The following GNE variants were observed in gnomAD, a reference collection of about 807,000 sequenced individuals.
GNE encodes the protein bifunctional UDP-N-acetylglucosamine 2-epimerase/N-acetylmannosamine kinase.
A neutral mutation model predicts 61.8 loss-of-function variants in GNE; 41 were observed. That is an observed-to-expected ratio of 0.66 (90% CI 0.52 to 0.86). GNE has a LOEUF of 0.86. Ranked by LOEUF, GNE falls within the 40% of genes least tolerant of loss-of-function variation. The pLI, the probability that GNE is intolerant of heterozygous loss-of-function variation, is 0.00. For synonymous variants in GNE, 264 were observed against 326.4 expected, an observed-to-expected ratio of 0.81 and a Z score of 2.06; for missense variants, 608 against 909.1, an observed-to-expected ratio of 0.67 and a Z score of 4.26.
intron 7 of GNE, among the ~76,000 whole-genome samples, chr9:36,225,717 G>A (rs2133035825): frequency 6.6e-6 from 1 of 152,226 alleles, no homozygotes; most frequent in Admixed American, 6.5e-5. Flanking sequence ...CTGAGGCAGA[G>A]GACCATTTAA....
In GNE at chr9:36,219,968, G is replaced by C; in HGVS notation, c.1686C>G (p.Phe562Leu). The change falls in exon 10 of 12, where the codon TTC becomes TTG. Residue 562 changes from phenylalanine (F) to leucine (L), a missense_variant. Coordinates refer to ENST00000642385, the MANE Select transcript of GNE (RefSeq NM_005476.7). ...CAAGGTGGCCCAGTTCTGCAGCACAGAAGGAGCTTCCGTGGATCAATTCAT... is the reference window on the plus strand; with the variant it reads ...CAAGGTGGCCCAGTTCTGCAGCACACAAGGAGCTTCCGTGGATCAATTCAT... ...HQHELIHGSS[F>L]CAAELGHLVV... The C allele has an allele frequency of 6.2e-7, 1 of 1,614,132 alleles. No individual in the cohort carries two copies. The highest frequency in any genetic ancestry group is 1.3e-5 in the African/African-American group (1 of 75,032).
chr9:36,258,499 C>T, upstream of GNE: 1 of 985,580 alleles, frequency 1.0e-6, no homozygotes, highest in South Asian at 4.7e-5. Context: ...GCCACGCCCA[C>T]CCGGAGTGCC....
At chr9:36,223,294 T>A in intron 8 of GNE, 79 bp downstream of exon 8, 1 of 1,308,456 alleles carries the variant, frequency 7.6e-7, no homozygotes, top group South Asian at 1.2e-5. Flanking sequence ...ACTGACTTGA[T>A]GCTCAGGCAT....
chr9:36,254,498 C>T (rs1315712890), intron 1 of GNE, among the ~76,000 whole-genome samples: 1 of 152,094 alleles, frequency 6.6e-6, no homozygotes, highest in Non-Finnish European at 1.5e-5. Context: ...TGCCACCGCA[C>T]TCCAGCCTGA....
At position 36,217,432 on chromosome 9, in the gene GNE, A is replaced by G; in HGVS notation, c.2102T>C (p.Leu701Ser). Residue 701 changes from leucine (L) to serine (S), a missense_variant, in exon 12 of 12, where the codon TTG (leucine) becomes TCG (serine). Transcript: ENST00000642385. ...AGCACCCAGCAGGGCGGGGTCAACC[A>G]AATCCGAAACCACCACATCCACGTC... The part of the protein sequence containing the change: ...VQDVDVVVSD[L>S]VDPALLGAAS... 1 of 1,614,190 alleles carries G rather than the reference A, an allele frequency of 6.2e-7. No individual in the cohort carries two copies. Among genetic ancestry groups the G allele is most frequent in the Non-Finnish European group, 8.5e-7 (1 of 1,180,030 alleles).
intron 1 of GNE, chr9:36,265,627 A>G (rs1179382786): frequency 2.9e-6 from 1 of 348,148 alleles, no homozygotes; most frequent in Admixed American, 2.8e-5. Flanking sequence ...TAATTACCAG[A>G]GTCTCTAGGG....
At chr9:36,268,553 A>G (rs182893304) in intron 1 of GNE, among the ~76,000 whole-genome samples, 43 of 152,096 alleles carry the variant, frequency 2.8e-4, no homozygotes, top group African/African-American at 9.9e-4. Context: ...TGGAGTAACT[A>G]GCTACTCGGG....
upstream of GNE, among the ~76,000 whole-genome samples, chr9:36,260,721 T>C (rs561262999): frequency 4.4e-3 from 667 of 151,444 alleles, 4 homozygotes; most frequent in African/African-American, 0.015. Flanking sequence ...TACAAAACAT[T>C]AGCCGGGCGT....
chr9:36,236,768 G>C, intron 4 of GNE, 64 bp downstream of exon 4: 1 of 1,379,992 alleles, frequency 7.2e-7, no homozygotes, highest in South Asian at 1.2e-5. Flanking sequence ...GCAGTTAAAA[G>C]AAGTAATAGA....
At chr9:36,246,619 A>G in intron 2 of GNE, 137 bp from the exon 3 acceptor site, 5 of 644,994 alleles carry the variant, frequency 7.8e-6, no homozygotes, top group Non-Finnish European at 1.4e-5. Flanking sequence ...TTACAAACAT[A>G]AAAAGCATAG....
At position 36,246,763 on chromosome 9, in the gene GNE, G is replaced by C. The variant is rs1587341837; in HGVS notation, c.165-281C>G. Among the ~76,000 whole-genome samples the C allele has an allele frequency of 4.0e-5, 6 of 150,454 alleles. No homozygotes were observed. The South Asian group carries it at 1.3e-3, about 32-fold the overall frequency. The stretch of plus-strand genomic sequence containing the variant: ...GGCTCACTGCAACTTCTGCCTCCCG[G>C]GTTCAAGCGATTCTCCTGCCTCAGC... On this transcript the variant is annotated intron_variant, in intron 2 of 11. Coordinates refer to ENST00000642385, the MANE Select transcript of GNE (RefSeq NM_005476.7).
At chr9:36,244,164 A>T (rs1037436772) in intron 3 of GNE, among the ~76,000 whole-genome samples, 1 of 151,982 alleles carries the variant, frequency 6.6e-6, no homozygotes, top group Non-Finnish European at 1.5e-5. Flanking sequence ...GCGTCTTGCT[A>T]TGTTGCCCAG....
chr9:36,253,150 A>C (rs1470762135), intron 1 of GNE, among the ~76,000 whole-genome samples: 3 of 152,042 alleles, frequency 2.0e-5, no homozygotes, highest in African/African-American at 7.2e-5. Flanking sequence ...CAACAGAATA[A>C]GTCTCTATCT....
chr9:36,239,533 T>C (rs1190378641), intron 3 of GNE, among the ~76,000 whole-genome samples: 1 of 152,030 alleles, frequency 6.6e-6, no homozygotes, highest in Non-Finnish European at 1.5e-5. Flanking sequence ...AGTGCAATGG[T>C]GCGATCTCGG....
At chr9:36,223,053 T>TCAGC in intron 8 of GNE, 55 bp from the exon 9 acceptor site, 1 of 1,493,808 alleles carries the variant, frequency 6.7e-7, no homozygotes, top group Non-Finnish European at 9.3e-7. Flanking sequence ...CTCAGGAAAG[T>TCAGC]ATGCTGACTT....
At position 36,218,102 on chromosome 9, in the gene GNE, G is replaced by A. The variant is rs1437688584; in HGVS notation, c.1933+81C>T. ...AAAGCACCTGTCCCTAGGGAAGCAGGGTCTCTTCTGGGGCCGGGCTGGGCC... is the reference window on the plus strand; with the variant it reads ...AAAGCACCTGTCCCTAGGGAAGCAGAGTCTCTTCTGGGGCCGGGCTGGGCC... On this transcript the variant is annotated intron_variant, in intron 11 of 11. Coordinates refer to ENST00000642385, the MANE Select transcript of GNE (RefSeq NM_005476.7). This position sits in a 1 kb window ranked among gnomAD's most constrained non-coding sequence, Gnocchi z 4.1. The A allele has an allele frequency of 2.2e-6, 2 of 907,344 alleles. No homozygotes were observed. Among genetic ancestry groups the A allele is most frequent in the Non-Finnish European group, 3.7e-6 (2 of 535,990 alleles). 56.2% of individuals were successfully genotyped at this position (907,344 alleles called of 1,614,324 possible).
Position 36,236,247 on chromosome 9 carries a change from C to T in GNE, c.769+585G>A, listed in dbSNP as rs190189100. ...ATGGAGTCTCACTCTGTCACTGAGA[C>T]TAGTGTGCAGTGGCATGATCTCGGC... On this transcript the variant is annotated intron_variant, in intron 4 of 11. Transcript: ENST00000642385. 4.0e-5 allele frequency among the ~76,000 whole-genome samples: 6 copies of T among 151,804 alleles called. No homozygotes were observed. The South Asian group carries it at 1.2e-3, about 32-fold the overall frequency.
chr9:36,217,121 TA>T lies in GNE; in HGVS notation c.*243del, dbSNP rs1563925587. ...GCTTTGGCACAGAAAATTGTGACTGTAACTTACAGGGTTTGAGCTAAAATGA... is the reference window on the plus strand; with the variant it reads ...GCTTTGGCACAGAAAATTGTGACTGTACTTACAGGGTTTGAGCTAAAATGA... On this transcript the variant is annotated 3_prime_UTR_variant, in exon 12 of 12. Transcript: ENST00000642385. The T allele has an allele frequency of 5.6e-6, 3 of 537,940 alleles. No homozygotes were observed. In the African/African-American group the frequency reaches 5.7e-5, roughly 10 times the overall value. The allele number at this position is 537,940 out of a possible 1,614,324, so 33.3% of individuals were successfully genotyped here.
At chr9:36,226,629 A>G (rs1441935271) in intron 7 of GNE, among the ~76,000 whole-genome samples, 1 of 152,184 alleles carries the variant, frequency 6.6e-6, no homozygotes, top group East Asian at 1.9e-4. Context: ...GCTATTTCTC[A>G]TCGTCTCTGG....
Sources: gnomAD v4.1 joint callset for allele counts (sites outside exome capture counted in the v4.1 genomes callset) on GRCh38, gnomAD v4.1.1 for gene constraint, Gnocchi (gnomAD v3.1) non-coding constraint, MANE v1.5 for transcripts, NCBI Gene and HGNC (gene_info 2026-07-23, HGNC 2026-07-21) for gene names.